ACTR3: variants seen among roughly 807,000 people sequenced by gnomAD.
The protein encoded by ACTR3 is actin related protein 3, also known as actin-related protein 3.
Under a neutral mutation model 56.8 loss-of-function variants are expected in ACTR3, and 12 were observed. The ratio of observed to expected loss-of-function variants is 0.21; its 90% CI spans 0.14 to 0.34. The LOEUF is 0.34. Ranked by LOEUF, ACTR3 falls within the 10% of genes least tolerant of loss-of-function variation. The probability of loss-of-function intolerance (pLI) is 1.00; values close to 1 mark genes in which losing one functional copy is unlikely to be tolerated. For missense variants in ACTR3, 282 were observed against 512.5 expected (o/e 0.55, Z 4.34); for synonymous variants, 162 against 167.4 (o/e 0.97, Z 0.25).
Position 113,890,794 on chromosome 2 carries a change from T to G in ACTR3, c.44+471T>G, listed in dbSNP as rs528579990. ...AGCGCTCCTGGTAGGTTTGACAAGA[T>G]CGCTGTGACAACATTCTGCCCAGGG... On this transcript the variant is annotated intron_variant, in intron 1 of 11. Transcript: ENST00000263238. 4 of 1,002,362 alleles carry G rather than the reference T, an allele frequency of 4.0e-6. No individual in the cohort carries two copies. The African/African-American group carries it at 6.9e-5, about 17-fold the overall frequency. The allele number at this position is 1,002,362 out of a possible 1,614,324, so 62.1% of individuals were successfully genotyped here.
intron 1 of ACTR3, among the ~76,000 whole-genome samples, chr2:113,903,537 C>CTT (rs377634915): frequency 3.0e-5 from 4 of 135,282 alleles, no homozygotes; most frequent in Non-Finnish European, 4.8e-5. Flanking sequence ...TGCTAATTGT[C>CTT]TTTTTTTTTT....
rs573750850 is a variant in ACTR3, at chr2:113,927,913, T to C, written c.336+458T>C. On this transcript the variant is annotated intron_variant, in intron 4 of 11. Coordinates refer to ENST00000263238, the MANE Select transcript of ACTR3 (RefSeq NM_005721.5). ...AAGATTTAAAACAACAAAATAACAC[T>C]TTCCTTTCTTACCTCTCCCAACCTT... 2.6e-5 allele frequency among the ~76,000 whole-genome samples: 4 copies of C among 152,242 alleles called. No individual in the cohort carries two copies. The East Asian group carries it at 7.7e-4, about 29-fold the overall frequency.
intron 3 of ACTR3, among the ~76,000 whole-genome samples, chr2:113,922,713 A>G (rs989909003): frequency 1.3e-5 from 2 of 152,216 alleles, no homozygotes; most frequent in East Asian, 1.9e-4. Context: ...TGTTAGGGAT[A>G]TATGCTGGGT....
At chr2:113,957,257 A>G (rs1368788930) in intron 11 of ACTR3, 103 bp from the exon 12 acceptor site, 8 of 762,444 alleles carry the variant, frequency 1.0e-5, no homozygotes, top group Non-Finnish European at 1.5e-5. Context: ...AACATTTTAG[A>G]CTTAACATCT....
intron 3 of ACTR3, among the ~76,000 whole-genome samples, 184 bp downstream of exon 3, chr2:113,917,192 A>C (rs1347117845): frequency 6.6e-6 from 1 of 151,056 alleles, no homozygotes; most frequent in Non-Finnish European, 1.5e-5. Context: ...TTTTTTTAAT[A>C]ACCCCTAAGA....
At position 113,900,141 on chromosome 2, in the gene ACTR3, T is replaced by G. The variant is rs371973371; in HGVS notation, c.44+9818T>G. Among the ~76,000 whole-genome samples, 10 of 152,208 alleles carry G rather than the reference T, an allele frequency of 6.6e-5. No individual in the cohort carries two copies. In the East Asian group the frequency reaches 1.2e-3, roughly 18 times the overall value. ...TCTTTTAAAGTGTGTAATTGAGTAG[T>G]TTTTAGTATAGTCACAAGGTTGTGC... is the stretch of plus-strand genomic sequence containing the variant. On this transcript the variant is annotated intron_variant, in intron 1 of 11. Coordinates refer to ENST00000263238, the MANE Select transcript of ACTR3 (RefSeq NM_005721.5).
chr2:113,936,302 C>CAAAAAAAAA (rs61526382), intron 6 of ACTR3, among the ~76,000 whole-genome samples: 19 of 78,280 alleles, frequency 2.4e-4, no homozygotes, highest in African/African-American at 8.7e-4. Context: ...ACCCTGTCTC[C>CAAAAAAAAA]AAAAAAAAAA....
Position 113,948,959 on chromosome 2 carries a change from T to G in ACTR3, c.859-2520T>G, listed in dbSNP as rs576812888. On this transcript the variant is annotated intron_variant, in intron 8 of 11. Transcript: ENST00000263238. ...TTGGATCTCTTTTTCGTATATCCTA[T>G]GTCTTTTTCACTCCATTTACATGAT... 6.4e-4 allele frequency among the ~76,000 whole-genome samples: 44 copies of G among 68,354 alleles called. 4 individuals are homozygous for G. The South Asian group carries it at 0.019, about 29-fold the overall frequency. The allele number at this position is 68,354 out of a possible 152,430, so 44.8% of individuals were successfully genotyped here.
chr2:113,943,248 G>A (rs1187005240), intron 8 of ACTR3, among the ~76,000 whole-genome samples: 4 of 152,186 alleles, frequency 2.6e-5, no homozygotes, highest in Non-Finnish European at 5.9e-5. Context: ...ATGAATGGGT[G>A]TTTGTCAGTC....
chr2:113,918,625 A>G (rs574857636), intron 3 of ACTR3, among the ~76,000 whole-genome samples: 7 of 152,166 alleles, frequency 4.6e-5, no homozygotes, highest in South Asian at 2.1e-4. Context: ...GGCTCAAGCA[A>G]TTTGTCCCCT....
At chr2:113,904,794 A>G (rs1679163938) in intron 1 of ACTR3, 2 of 152,194 alleles carry the variant, frequency 1.3e-5, no homozygotes, top group African/African-American at 4.8e-5. Flanking sequence ...TTGCATTTTA[A>G]AAATCCCATG....
chr2:113,890,276 G>A lies in ACTR3; in HGVS notation c.-4G>A. ...GGCAGCAGCAGCAGCAGGCGAGGAGGAAGATGGCGGGACGGCTGCCGGCCT... is the reference window on the plus strand; with the variant it reads ...GGCAGCAGCAGCAGCAGGCGAGGAGAAAGATGGCGGGACGGCTGCCGGCCT... On this transcript the variant is annotated 5_prime_UTR_variant, in exon 1 of 12. Transcript: ENST00000263238. 1.3e-6 allele frequency: 2 copies of A among 1,527,678 alleles called. No individual in the cohort carries two copies. The highest frequency in any genetic ancestry group is 2.5e-5 in the East Asian group (1 of 39,810). The allele number at this position is 1,527,678 out of a possible 1,614,324, so 94.6% of individuals were successfully genotyped here. A position where few individuals can be genotyped will look rare whatever the true frequency, so the allele number is the denominator to read the frequency against.
At chr2:113,955,775 T>C (rs1680200219) in intron 11 of ACTR3, 69 bp downstream of exon 11, 1 of 1,289,872 alleles carries the variant, frequency 7.8e-7, no homozygotes, top group Non-Finnish European at 1.1e-6. Context: ...GAGGTGGACT[T>C]TCGCTCTTGT....
In ACTR3 at chr2:113,890,210, C is replaced by G. The variant is rs556667500; in HGVS notation, c.-70C>G. The G allele has an allele frequency of 7.0e-4, 1,086 of 1,547,020 alleles. No individual in the cohort carries two copies. Among genetic ancestry groups the G allele is most frequent in the Non-Finnish European group, 8.9e-4 (1,012 of 1,142,976 alleles). On this transcript the variant is annotated 5_prime_UTR_variant, in exon 1 of 12. Coordinates refer to ENST00000263238, the MANE Select transcript of ACTR3 (RefSeq NM_005721.5). ...GGATGGTCAGATAGCCCTTGTCTCCCGCCGCCAATCTCTGGCCCCTAGCAG... is the reference window on the plus strand; with the variant it reads ...GGATGGTCAGATAGCCCTTGTCTCCGGCCGCCAATCTCTGGCCCCTAGCAG...
intron 1 of ACTR3, chr2:113,905,121 G>T (rs1679169740): frequency 1.3e-5 from 2 of 151,966 alleles, no homozygotes; most frequent in Non-Finnish European, 1.5e-5. Context: ...GCACTCCAGG[G>T]TTATAAACTA....
chr2:113,894,880 T>A (rs1246994339), intron 1 of ACTR3, among the ~76,000 whole-genome samples: 1 of 152,236 alleles, frequency 6.6e-6, no homozygotes. Context: ...GTGTTCTTTC[T>A]GTTAACACTC....
At chr2:113,951,151 C>T (rs1825738) in intron 8 of ACTR3, 149,410 of 175,454 alleles carry the variant, frequency 0.85, 63,971 homozygotes, top group African/African-American at 0.9. Context: ...CACTATGTTA[C>T]TATTGCCAAA....
chr2:113,903,634 A>C (rs941167261), intron 1 of ACTR3, among the ~76,000 whole-genome samples: 23 of 148,778 alleles, frequency 1.5e-4, no homozygotes, highest in Non-Finnish European at 3.3e-4. Flanking sequence ...CTCCTGGGTT[A>C]AAGCAATTCT....
chr2:113,895,697 T>A (rs10496454), intron 1 of ACTR3, among the ~76,000 whole-genome samples: 13,481 of 152,190 alleles, frequency 0.089, 638 homozygotes, highest in East Asian at 0.18. Context: ...CTTCTGGCAG[T>A]TATATTTCGT....
Sources: gnomAD v4.1 joint callset for allele counts (sites outside exome capture counted in the v4.1 genomes callset) on GRCh38, gnomAD v4.1.1 for gene constraint, MANE v1.5 for transcripts, NCBI Gene and HGNC (gene_info 2026-07-23, HGNC 2026-07-21) for gene names.